The following R3HDM1 variants were observed in gnomAD, a reference collection of about 807,000 sequenced individuals.
R3HDM1 encodes R3H domain-containing protein 1.
R3HDM1 carries 46 observed loss-of-function variants against 141.1 expected under a neutral mutation model. That is an observed-to-expected ratio of 0.33 (90% CI 0.26 to 0.42). R3HDM1 has a LOEUF of 0.42. Ranked by LOEUF, R3HDM1 falls within the 10% of genes least tolerant of loss-of-function variation. R3HDM1 has a pLI of 1.00. For synonymous variants in R3HDM1, 435 were observed against 472.9 expected, an observed-to-expected ratio of 0.92 and a Z score of 1.04; for missense variants, 1,184 against 1,368.3, an observed-to-expected ratio of 0.87 and a Z score of 2.12.
chr2:135,686,519 C>G (rs1013802780), intron 21 of R3HDM1, among the ~76,000 whole-genome samples: 3 of 152,054 alleles, frequency 2.0e-5, no homozygotes, highest in East Asian at 1.9e-4. Context: ...GAGGATGGCT[C>G]GAGCCCAGGA....
chr2:135,720,334 C>A (rs1014146252), intron 24 of R3HDM1, among the ~76,000 whole-genome samples: 1 of 152,200 alleles, frequency 6.6e-6, no homozygotes, highest in African/African-American at 2.4e-5. Context: ...GGCAAGAAGT[C>A]CACACCTTGC....
At chr2:135,664,148 T>C (rs2067158867) in intron 19 of R3HDM1, among the ~76,000 whole-genome samples, 1 of 152,186 alleles carries the variant, frequency 6.6e-6, no homozygotes. Flanking sequence ...TTTTGAGTTT[T>C]TTTACAGGTA....
chr2:135,589,667 A>G (rs139323975), intron 1 of R3HDM1, among the ~76,000 whole-genome samples: 188 of 152,250 alleles, frequency 1.2e-3, no homozygotes, highest in Non-Finnish European at 2.2e-3. Context: ...CCACCTTCTC[A>G]CTTGAACAGA....
chr2:135,549,597 G>A (rs527360264), intron 1 of R3HDM1, among the ~76,000 whole-genome samples: 5 of 151,272 alleles, frequency 3.3e-5, no homozygotes, highest in Non-Finnish European at 5.9e-5. Context: ...ACAAAATGGG[G>A]TCTTGCTATA....
intron 1 of R3HDM1, among the ~76,000 whole-genome samples, chr2:135,587,339 C>G (rs906146225): frequency 2.6e-5 from 4 of 151,678 alleles, no homozygotes; most frequent in African/African-American, 9.7e-5. Context: ...ATTTTAACAG[C>G]ATTTGGAATT....
chr2:135,681,324 T>C (rs2070262654), intron 21 of R3HDM1, among the ~76,000 whole-genome samples: 1 of 152,186 alleles, frequency 6.6e-6, no homozygotes, highest in Non-Finnish European at 1.5e-5. Flanking sequence ...CAAGGCTGCT[T>C]GTGAAAGGAG....
intron 19 of R3HDM1, chr2:135,667,143 C>T (rs1428348047): frequency 1.0e-6 from 1 of 954,692 alleles, no homozygotes; most frequent in Non-Finnish European, 1.2e-6. Flanking sequence ...AAAATAAAAT[C>T]AGCCTGTTAA....
At chr2:135,722,767 G>C (rs936041129) in intron 26 of R3HDM1, among the ~76,000 whole-genome samples, 1 of 152,144 alleles carries the variant, frequency 6.6e-6, no homozygotes, top group South Asian at 2.1e-4. Flanking sequence ...AGGTTTAGGA[G>C]GGACAGAGGG....
intron 3 of R3HDM1, chr2:135,605,289 C>T: frequency 4.9e-6 from 1 of 202,128 alleles, no homozygotes; most frequent in Non-Finnish European, 9.9e-6. Flanking sequence ...ATTACCAGTG[C>T]TGTGAGAGTT....
chr2:135,621,527 G>C lies in R3HDM1; in HGVS notation c.337G>C (p.Glu113Gln), dbSNP rs995271112. The C allele has an allele frequency of 6.3e-7, 1 of 1,594,080 alleles. No homozygotes were observed. Among genetic ancestry groups the C allele is most frequent in the Admixed American group, 1.7e-5 (1 of 57,454 alleles). The stretch of plus-strand genomic sequence containing the variant: ...TCAGATCCAGTTAACACAATCATTT[G>C]AGAAAGAAGAGAAGCCCTCAAAAGA... ...KIQIQLTQSF[E>Q]KEEKPSKDEA... Residue 113 changes from glutamate (E) to glutamine (Q), a missense_variant, in exon 6 of 27, where the codon GAG becomes CAG. By Grantham distance (29) the Glu-to-Gln change is conservative (BLOSUM62 2). This residue lies in a region of R3HDM1 where 192 missense variants were observed against 215.7 expected (regional missense o/e 0.89). Transcript: ENST00000683871.
intron 21 of R3HDM1, among the ~76,000 whole-genome samples, chr2:135,705,990 G>A (rs898467081): frequency 2.4e-4 from 36 of 152,012 alleles, no homozygotes; most frequent in African/African-American, 3.1e-4. Flanking sequence ...TTAGCCGGGC[G>A]TGGTGGCGGG....
chr2:135,577,052 A>T, intron 1 of R3HDM1: 1 of 901,158 alleles, frequency 1.1e-6, no homozygotes, highest in Non-Finnish European at 1.3e-6. Context: ...AAGAAAAAAA[A>T]AAAACCTCCA....
At chr2:135,723,389 C>G (rs1362916143) in intron 26 of R3HDM1, among the ~76,000 whole-genome samples, 1 of 151,782 alleles carries the variant, frequency 6.6e-6, no homozygotes, top group East Asian at 2.0e-4. Flanking sequence ...TCCCAAAGTA[C>G]TAGGATTACA....
chr2:135,667,570 A>G (rs1256651872), intron 19 of R3HDM1: 9 of 860,096 alleles, frequency 1.0e-5, no homozygotes, highest in Non-Finnish European at 9.8e-6. Context: ...TATCACAGGA[A>G]GAATTTTTTT....
chr2:135,635,871 TTTG>T lies in R3HDM1; in HGVS notation c.699-16_699-14del. 6.4e-7 allele frequency: 1 copy of T among 1,568,036 alleles called. No individual in the cohort carries two copies. Among genetic ancestry groups the T allele is most frequent in the Non-Finnish European group, 8.6e-7 (1 of 1,162,698 alleles). On this transcript the variant is annotated splice_polypyrimidine_tract_variant and intron_variant, in intron 9 of 26. Coordinates refer to ENST00000683871, the MANE Select transcript of R3HDM1 (RefSeq NM_001378107.1). ...CATTATCTTTTCCTGTTCCTTTGTT[TTTG>T]TTTTTGTTTTTTAAGACCTGATCAG... is the stretch of plus-strand genomic sequence containing the variant.
At chr2:135,652,192 A>G (rs1346984515) in intron 18 of R3HDM1, among the ~76,000 whole-genome samples, 160 bp downstream of exon 18, 1 of 152,236 alleles carries the variant, frequency 6.6e-6, no homozygotes, top group Admixed American at 6.5e-5. Context: ...TTTCACGCAC[A>G]TGCTAAGCAA....
chr2:135,630,628 A>G (rs1263928522), intron 7 of R3HDM1, among the ~76,000 whole-genome samples: 1 of 152,136 alleles, frequency 6.6e-6, no homozygotes, highest in Non-Finnish European at 1.5e-5. Flanking sequence ...TGATGTGTAG[A>G]CTTTCAGGTG....
At chr2:135,597,590 A>G (rs139648042) in intron 1 of R3HDM1, among the ~76,000 whole-genome samples, 2 of 152,310 alleles carry the variant, frequency 1.3e-5, no homozygotes, top group African/African-American at 4.8e-5. Flanking sequence ...GATTTTCTTT[A>G]TAGATGTGCC....
intron 11 of R3HDM1, among the ~76,000 whole-genome samples, chr2:135,636,568 T>C (rs1215343582): frequency 4.6e-5 from 7 of 152,162 alleles, no homozygotes; most frequent in Non-Finnish European, 8.8e-5. Context: ...TGACTTTCTT[T>C]GACAAATAAT....
Sources: allele counts gnomAD v4.1 joint callset (sites outside exome capture counted in the v4.1 genomes callset), GRCh38; gene constraint gnomAD v4.1.1; regional missense constraint gnomAD v4.1.1; transcripts MANE v1.5; gene names NCBI Gene and HGNC (gene_info 2026-07-23, HGNC 2026-07-21).